Variants in SPSB4 observed in about 807,000 individuals in gnomAD.
SPSB4 encodes SPRY domain-containing SOCS box protein 4.
Under a neutral mutation model 20.9 loss-of-function variants are expected in SPSB4, and 21 were observed. The ratio of observed to expected loss-of-function variants is 1.01; its 90% CI spans 0.71 to 1.45. The LOEUF is 1.45. Ranked by LOEUF, SPSB4 falls within the 40% of genes most tolerant of loss-of-function variation. The pLI is 0.00. For missense variants in SPSB4, 399 were observed against 399.2 expected, an observed-to-expected ratio of 1.00 and a Z score of 0.00; for synonymous variants, 207 against 183.8, an observed-to-expected ratio of 1.13 and a Z score of -1.02.
chr3:141,085,481 A>C (rs1409649911), intron 2 of SPSB4, among the ~76,000 whole-genome samples: 2 of 152,164 alleles, frequency 1.3e-5, no homozygotes, highest in African/African-American at 2.4e-5. Context: ...AGCTTCAGCC[A>C]TTGCACCCAC....
At chr3:141,118,584 G>T (rs1306825545) in intron 2 of SPSB4, among the ~76,000 whole-genome samples, 3 of 152,156 alleles carry the variant, frequency 2.0e-5, no homozygotes, top group African/African-American at 7.2e-5. Context: ...GTCCTGAATG[G>T]TATTGCCTAG....
chr3:141,054,775 C>A (rs981246202), intron 1 of SPSB4, among the ~76,000 whole-genome samples: 1 of 152,184 alleles, frequency 6.6e-6, no homozygotes, highest in East Asian at 1.9e-4. Context: ...ACTATCCTGG[C>A]TAACACAGTG....
intron 2 of SPSB4, among the ~76,000 whole-genome samples, chr3:141,071,288 G>A (rs1343169143): frequency 1.3e-5 from 2 of 151,578 alleles, no homozygotes; most frequent in East Asian, 4.2e-4. Flanking sequence ...CAGGAGGGCT[G>A]ACAGAACGGC....
chr3:141,148,252 A>G lies in SPSB4; in HGVS notation c.*983A>G, dbSNP rs2291042. ...TTTTTCACTTTAGGAGACTTCTACA[A>G]GTTTGTTTCCTGTTTCAAATGTGTG... is the stretch of plus-strand genomic sequence containing the variant. On this transcript the variant is annotated 3_prime_UTR_variant, in exon 3 of 3. Transcript: ENST00000310546. The surrounding 1 kb of genome is among the most constrained non-coding windows in gnomAD (Gnocchi z 4.5). The G allele has an allele frequency of 0.13, 19,921 of 152,524 alleles. 2,026 individuals are homozygous for G. The highest frequency in any genetic ancestry group is 0.28 in the African/African-American group (11,562 of 41,394). The allele number at this position is 152,524 out of a possible 1,614,324, so 9.4% of individuals were successfully genotyped here. A position where few individuals can be genotyped will look rare whatever the true frequency, so the allele number is the denominator to read the frequency against.
chr3:141,145,225 T>TA (rs573940987), intron 2 of SPSB4, among the ~76,000 whole-genome samples: 27,813 of 142,624 alleles, frequency 0.2, 2,753 homozygotes, highest in African/African-American at 0.23. Flanking sequence ...TACAAAAAAT[T>TA]AAAAAAAAAA....
chr3:141,130,365 C>T (rs185201938), intron 2 of SPSB4, among the ~76,000 whole-genome samples: 240 of 152,268 alleles, frequency 1.6e-3, no homozygotes, highest in African/African-American at 5.6e-3. Context: ...TCTGAGGCTT[C>T]GGACACCAAA....
At chr3:141,122,626 C>T (rs1006899518) in intron 2 of SPSB4, among the ~76,000 whole-genome samples, 1 of 152,160 alleles carries the variant, frequency 6.6e-6, no homozygotes, top group African/African-American at 2.4e-5. Flanking sequence ...AGCATAAAAC[C>T]GCCTACTCAA....
At chr3:141,052,661 G>A (rs1936115774) in intron 1 of SPSB4, among the ~76,000 whole-genome samples, 2 of 152,218 alleles carry the variant, frequency 1.3e-5, no homozygotes, top group Admixed American at 1.3e-4. Flanking sequence ...GGGGCAGTGA[G>A]GCTGGTCGCC....
In SPSB4 at chr3:141,077,993, T is replaced by C. The variant is rs12107437; in HGVS notation, c.694+11195T>C. Among the ~76,000 whole-genome samples, 1,384 of 152,332 alleles carry C rather than the reference T, an allele frequency of 9.1e-3. 23 individuals are homozygous for C. Among genetic ancestry groups the C allele is most frequent in the African/African-American group, 0.031 (1,304 of 41,568 alleles). ...TCTATCTTTTCTGTTCCCTCATAAT[T>C]TGAGGTGCCCCTTGGCTTTGGCTCA... On this transcript the variant is annotated intron_variant, in intron 2 of 2. Coordinates refer to ENST00000310546, the MANE Select transcript of SPSB4 (RefSeq NM_080862.3).
At chr3:141,114,251 A>G (rs1353237502) in intron 2 of SPSB4, among the ~76,000 whole-genome samples, 1 of 152,166 alleles carries the variant, frequency 6.6e-6, no homozygotes, top group Non-Finnish European at 1.5e-5. Flanking sequence ...CGCCCTGAGC[A>G]TGGCCCTGGG....
chr3:141,147,041 A>C, intron 2 of SPSB4, 101 bp from the exon 3 acceptor site: 1 of 1,499,884 alleles, frequency 6.7e-7, no homozygotes, highest in South Asian at 1.2e-5. Flanking sequence ...CCTGAAGGCC[A>C]GCTCAGAGGA....
intron 2 of SPSB4, among the ~76,000 whole-genome samples, chr3:141,098,890 G>A (rs1294468173): frequency 6.6e-6 from 1 of 152,172 alleles, no homozygotes; most frequent in Admixed American, 6.5e-5. Context: ...CAGTTCTGGA[G>A]GTTGGGAAGT....
intron 2 of SPSB4, among the ~76,000 whole-genome samples, chr3:141,072,810 G>GC (rs1184683154): frequency 5.9e-5 from 9 of 152,070 alleles, no homozygotes; most frequent in African/African-American, 2.4e-5. Flanking sequence ...GTGTATCTCG[G>GC]CCCCCCATCC....
intron 1 of SPSB4, among the ~76,000 whole-genome samples, chr3:141,063,847 G>A (rs941276188): frequency 2.0e-5 from 3 of 152,252 alleles, no homozygotes; most frequent in Non-Finnish European, 4.4e-5. Context: ...CTGGTTCCCA[G>A]GAACTTTGTT....
intron 2 of SPSB4, among the ~76,000 whole-genome samples, chr3:141,074,897 G>A (rs548812134): frequency 6.6e-6 from 1 of 152,348 alleles, no homozygotes; most frequent in South Asian, 2.1e-4. Context: ...TTCAGGCCCT[G>A]GCAGAAGGGT....
In SPSB4 at chr3:141,066,476, G is replaced by A. The variant is rs369565640; in HGVS notation, c.372G>A (p.Leu124=). 2.0e-4 allele frequency: 299 copies of A among 1,499,840 alleles called. No homozygotes were observed. Among genetic ancestry groups the A allele is most frequent in the Non-Finnish European group, 2.6e-4 (288 of 1,124,412 alleles). The allele number at this position is 1,499,840 out of a possible 1,614,324, so 92.9% of individuals were successfully genotyped here. A position where few individuals can be genotyped will look rare whatever the true frequency, so the allele number is the denominator to read the frequency against. ...GTGTGGCCACGGCCCGTGCTCCCCTGCACTCCGTGGGCTACACGGCGCTGG... is the reference window on the plus strand; with the variant it reads ...GTGTGGCCACGGCCCGTGCTCCCCTACACTCCGTGGGCTACACGGCGCTGG... ...VVGVATARAP[L]HSVGYTALVG... is the part of the protein sequence containing the mutation. Residue 124 remains leucine, a synonymous_variant, in exon 2 of 3, where the codon CTG becomes CTA. Coordinates refer to ENST00000310546, the MANE Select transcript of SPSB4 (RefSeq NM_080862.3).
At chr3:141,127,293 C>T (rs1226177727) in intron 2 of SPSB4, among the ~76,000 whole-genome samples, 1 of 152,184 alleles carries the variant, frequency 6.6e-6, no homozygotes, top group Non-Finnish European at 1.5e-5. Context: ...GTTCAGGTCT[C>T]CAGACCCCTT....
intron 2 of SPSB4, among the ~76,000 whole-genome samples, chr3:141,095,250 G>A (rs979603593): frequency 2.6e-5 from 4 of 152,120 alleles, no homozygotes; most frequent in Middle Eastern, 3.2e-3. Flanking sequence ...CCGAGACTGC[G>A]GAGAGCATGT....
rs1278262358 is a variant in SPSB4 at position 141,085,614 on chromosome 3, C to A, written c.694+18816C>A. Among the ~76,000 whole-genome samples the A allele has an allele frequency of 3.3e-5, 5 of 152,238 alleles. No homozygotes were observed. The East Asian group carries it at 9.6e-4, about 29-fold the overall frequency. Reference sequence around the variant, plus strand: ...AATGGCCAGAACACTATCACATGACCACTTCTAGTGCAAGGAAGCTGAGAG... The same window carrying A: ...AATGGCCAGAACACTATCACATGACAACTTCTAGTGCAAGGAAGCTGAGAG... On this transcript the variant is annotated intron_variant, in intron 2 of 2. Coordinates refer to ENST00000310546, the MANE Select transcript of SPSB4 (RefSeq NM_080862.3).
Sources: gnomAD v4.1 joint callset for allele counts (sites outside exome capture counted in the v4.1 genomes callset) on GRCh38, gnomAD v4.1.1 for gene constraint, Gnocchi (gnomAD v3.1) non-coding constraint, MANE v1.5 for transcripts, NCBI Gene and HGNC (gene_info 2026-07-23, HGNC 2026-07-21) for gene names.